Variants in LIG1 observed in about 807,000 individuals in gnomAD.
LIG1 encodes ligase I, DNA, ATP-dependent.
Under a neutral mutation model 115.7 loss-of-function variants are expected in LIG1, and 70 were observed. The observed-to-expected ratio is 0.60, with a 90% CI of 0.50 to 0.74. LIG1 has a LOEUF of 0.74. Ranked by LOEUF, LIG1 falls within the 30% of genes least tolerant of loss-of-function variation. The pLI is 0.00. For synonymous variants in LIG1, 487 were observed against 495.3 expected (o/e 0.98, Z 0.22); for missense variants, 1,115 against 1,225.6 (o/e 0.91, Z 1.35).
chr19:48,167,598 AGGC>A (rs1222409139), intron 1 of LIG1, among the ~76,000 whole-genome samples: 3 of 152,082 alleles, frequency 2.0e-5, no homozygotes, highest in Non-Finnish European at 4.4e-5. Flanking sequence ...AGGCTGAGAC[AGGC>A]GGATCACGAG....
Position 48,143,626 on chromosome 19 carries a change from T to C in LIG1, c.858-27A>G, listed in dbSNP as rs2288878. On this transcript the variant is annotated intron_variant, in intron 10 of 27. Coordinates refer to ENST00000263274, the MANE Select transcript of LIG1 (RefSeq NM_000234.3). The stretch of plus-strand genomic sequence containing the variant: ...TAGGGAAGGAAAAGAGACGCAAGAG[T>C]GACAGTGGTGCAGGCTATACCATGC... The C allele has an allele frequency of 0.56, 896,705 of 1,595,626 alleles. 257,223 individuals carry two copies. Among genetic ancestry groups the C allele is most frequent in the East Asian group, 0.87 (38,784 of 44,724 alleles).
intron 1 of LIG1, among the ~76,000 whole-genome samples, chr19:48,166,427 T>C (rs1449049843): frequency 6.6e-6 from 1 of 152,076 alleles, no homozygotes; most frequent in Non-Finnish European, 1.5e-5. Context: ...ACTATAAATG[T>C]ATCCACATAT....
intron 6 of LIG1, among the ~76,000 whole-genome samples, chr19:48,151,965 A>G (rs2035505453): frequency 6.6e-6 from 1 of 152,144 alleles, no homozygotes; most frequent in Non-Finnish European, 1.5e-5. Context: ...TTAAAAAAAA[A>G]ATCTTACCTC....
chr19:48,165,475 T>G lies in LIG1; in HGVS notation c.17+75A>C, dbSNP rs189534976. On this transcript the variant is annotated intron_variant, in intron 2 of 27. Transcript: ENST00000263274. ...AGAGTTTTTGTTTGTTTGTTTGTTTTTTTAAGTACAGATTTAGAGAAAGAA... is the reference window on the plus strand; with the variant it reads ...AGAGTTTTTGTTTGTTTGTTTGTTTGTTTAAGTACAGATTTAGAGAAAGAA... The G allele has an allele frequency of 2.4e-4, 287 of 1,206,498 alleles. 2 individuals carry two copies. The highest frequency in any genetic ancestry group is 1.3e-4 in the African/African-American group (9 of 67,472). 74.7% of individuals were successfully genotyped at this position (1,206,498 alleles called of 1,614,324 possible).
chr19:48,150,056 C>T lies in LIG1; in HGVS notation c.697+32G>A, dbSNP rs781661548. On this transcript the variant is annotated intron_variant, in intron 8 of 27. Transcript: ENST00000263274. ...CTCACCAGCCTCCTGCCTGTACAAC[C>T]CCGGGAGGTGGGGTGAGCAAGGGAA... The T allele has an allele frequency of 9.9e-6, 16 of 1,614,076 alleles. No individual in the cohort carries two copies. The South Asian group carries it at 1.8e-4, about 18-fold the overall frequency.
chr19:48,145,226 A>T lies in LIG1; in HGVS notation c.777-1263T>A, dbSNP rs190053171. 1.7e-3 allele frequency among the ~76,000 whole-genome samples: 264 copies of T among 152,194 alleles called. 5 individuals are homozygous for T. The highest frequency in any genetic ancestry group is 5.3e-4 in the Non-Finnish European group (36 of 68,014). On this transcript the variant is annotated intron_variant, in intron 9 of 27. Coordinates refer to ENST00000263274, the MANE Select transcript of LIG1 (RefSeq NM_000234.3). ...AACCTTTATATCGTAAGTAGCTCAC[A>T]CTGACCCCAGCCAAACTCTGCATTC...
At chr19:48,130,692 G>A (rs1256243377) in intron 19 of LIG1, among the ~76,000 whole-genome samples, 1 of 152,138 alleles carries the variant, frequency 6.6e-6, no homozygotes, top group East Asian at 1.9e-4. Flanking sequence ...AGGTGTCCAG[G>A]AAAGTGTTAA....
intron 5 of LIG1, among the ~76,000 whole-genome samples, chr19:48,156,003 G>GCTCA (rs2035810592): frequency 6.6e-6 from 1 of 152,184 alleles, no homozygotes; most frequent in Admixed American, 6.5e-5. Context: ...GACGGCAAGG[G>GCTCA]CTCACACTGC....
intron 19 of LIG1, among the ~76,000 whole-genome samples, chr19:48,130,714 A>ATCCCT (rs1267785015): frequency 6.6e-6 from 1 of 152,184 alleles, no homozygotes; most frequent in Non-Finnish European, 1.5e-5. Flanking sequence ...TCAAGCTAGA[A>ATCCCT]TCCCTTTTCC....
chr19:48,138,667 C>A (rs2034551835), intron 12 of LIG1, among the ~76,000 whole-genome samples: 1 of 152,196 alleles, frequency 6.6e-6, no homozygotes, highest in Non-Finnish European at 1.5e-5. Flanking sequence ...TGAACACGAC[C>A]CATCAAGGGT....
chr19:48,116,679 G>A (rs1272547586), intron 26 of LIG1, among the ~76,000 whole-genome samples: 2 of 152,054 alleles, frequency 1.3e-5, no homozygotes, highest in African/African-American at 4.8e-5. Context: ...TACGTCTTAC[G>A]GATTTTGAGA....
chr19:48,152,769 G>A (rs1380273030), intron 6 of LIG1, among the ~76,000 whole-genome samples: 1 of 152,156 alleles, frequency 6.6e-6, no homozygotes, highest in Non-Finnish European at 1.5e-5. Context: ...ATAGGTTGCT[G>A]CTATAAAAAT....
At chr19:48,148,456 C>G (rs1276145383) in intron 9 of LIG1, among the ~76,000 whole-genome samples, 2 of 136,402 alleles carry the variant, frequency 1.5e-5, no homozygotes, top group Non-Finnish European at 3.1e-5. Context: ...GCCTGGGCAA[C>G]AGAGTGAGAT....
chr19:48,150,564 C>A (rs936126693), intron 7 of LIG1, among the ~76,000 whole-genome samples: 1 of 152,194 alleles, frequency 6.6e-6, no homozygotes, highest in Non-Finnish European at 1.5e-5. Flanking sequence ...AACACAGGGG[C>A]CTCATGGACA....
At chr19:48,126,082 C>G (rs1268399700) in intron 21 of LIG1, among the ~76,000 whole-genome samples, 1 of 152,084 alleles carries the variant, frequency 6.6e-6, no homozygotes, top group Non-Finnish European at 1.5e-5. Context: ...GTTCCACACC[C>G]CTATCCCACT....
intron 25 of LIG1, 87 bp from the exon 26 acceptor site, chr19:48,117,868 G>C: frequency 1.3e-6 from 2 of 1,481,774 alleles, no homozygotes; most frequent in Non-Finnish European, 1.9e-6. Context: ...GAGGGAGGAA[G>C]GGAAAAAAAC....
At chr19:48,132,820 A>G (rs1389804727) in intron 18 of LIG1, among the ~76,000 whole-genome samples, 162 bp downstream of exon 18, 1 of 148,456 alleles carries the variant, frequency 6.7e-6, no homozygotes, top group Non-Finnish European at 1.5e-5. Flanking sequence ...AAAAAAAAGA[A>G]CACACTCACT....
At chr19:48,143,990 T>C (rs758184225) in intron 9 of LIG1, 27 bp from the exon 10 acceptor site, 2 of 1,556,076 alleles carry the variant, frequency 1.3e-6, no homozygotes, top group African/African-American at 1.4e-5. Flanking sequence ...GAGATTGAAT[T>C]GCATAGAGCC....
chr19:48,153,299 G>A (rs2035592755), intron 6 of LIG1, among the ~76,000 whole-genome samples: 1 of 151,308 alleles, frequency 6.6e-6, no homozygotes, highest in African/African-American at 2.4e-5. Flanking sequence ...ATAAGGTATT[G>A]GCCTAGGAGC....
Sources: gnomAD v4.1 joint callset for allele counts (sites outside exome capture counted in the v4.1 genomes callset) on GRCh38, gnomAD v4.1.1 for gene constraint, MANE v1.5 for transcripts, NCBI Gene and HGNC (gene_info 2026-07-23, HGNC 2026-07-21) for gene names.